ELOVL6: variants seen among roughly 807,000 people sequenced by gnomAD.
ELOVL6 encodes the protein very long chain fatty acid elongase 6.
ELOVL6 carries 8 observed loss-of-function variants against 31.7 expected under a neutral mutation model. That is an observed-to-expected ratio of 0.25 (90% confidence interval 0.15 to 0.45). ELOVL6 has a LOEUF of 0.45. Ranked by LOEUF, ELOVL6 falls within the 20% of genes least tolerant of loss-of-function variation. The pLI is 1.00. For missense variants in ELOVL6, 126 were observed against 326.4 expected, an observed-to-expected ratio of 0.39 and a Z score of 4.73; for synonymous variants, 101 against 117.7, an observed-to-expected ratio of 0.86 and a Z score of 0.92.
chr4:110,197,330 T>C (rs570074230), intron 1 of ELOVL6, among the ~76,000 whole-genome samples: 1 of 152,324 alleles, frequency 6.6e-6, no homozygotes, highest in East Asian at 1.9e-4. Context: ...AAGGTGACAC[T>C]GGATCGCCTC....
At chr4:110,095,468 C>T (rs1026877323) in intron 2 of ELOVL6, among the ~76,000 whole-genome samples, 1 of 125,250 alleles carries the variant, frequency 8.0e-6, no homozygotes, top group Non-Finnish European at 1.6e-5. Flanking sequence ...GGTGAAAGGG[C>T]GAAACTGTCT....
intron 2 of ELOVL6, among the ~76,000 whole-genome samples, chr4:110,067,808 A>T (rs1384996335): frequency 1.3e-5 from 2 of 152,232 alleles, no homozygotes; most frequent in Admixed American, 1.3e-4. Flanking sequence ...GAATTTCATT[A>T]ATCAACATAC....
At chr4:110,072,638 G>A (rs957252583) in intron 2 of ELOVL6, among the ~76,000 whole-genome samples, 9 of 152,042 alleles carry the variant, frequency 5.9e-5, no homozygotes, top group African/African-American at 1.9e-4. Flanking sequence ...CTATGTTGCC[G>A]AGTTCATCTG....
At chr4:110,084,553 C>CAGATATATATTTAT (rs1560815725) in intron 2 of ELOVL6, among the ~76,000 whole-genome samples, 4 of 57,942 alleles carry the variant, frequency 6.9e-5, no homozygotes, top group East Asian at 7.3e-4. Flanking sequence ...CACACACACA[C>CAGATATATATTTAT]ACACACACAG....
At chr4:110,191,283 G>C (rs1288416766) in intron 1 of ELOVL6, among the ~76,000 whole-genome samples, 1 of 152,140 alleles carries the variant, frequency 6.6e-6, no homozygotes, top group African/African-American at 2.4e-5. Context: ...CTGGATAAAG[G>C]AATGAAGTTA....
chr4:110,095,847 A>G (rs1756566305), intron 2 of ELOVL6, among the ~76,000 whole-genome samples: 1 of 152,204 alleles, frequency 6.6e-6, no homozygotes, highest in African/African-American at 2.4e-5. Context: ...CTGAGAATTG[A>G]TACAACTTGG....
At chr4:110,060,753 G>T (rs1755114463) in intron 2 of ELOVL6, among the ~76,000 whole-genome samples, 1 of 152,148 alleles carries the variant, frequency 6.6e-6, no homozygotes, top group Non-Finnish European at 1.5e-5. Flanking sequence ...AGATGGACCT[G>T]CCTAGCCTTT....
chr4:110,045,857 A>G lies in ELOVL6; in HGVS notation c.*5481T>C, dbSNP rs545729994. ...AAACAGAAACACAGTTTGATTTTAAATCAAAAGTTATGATTTTATTTTTAA... is the reference window on the plus strand; with the variant it reads ...AAACAGAAACACAGTTTGATTTTAAGTCAAAAGTTATGATTTTATTTTTAA... On this transcript the variant is annotated 3_prime_UTR_variant, in exon 4 of 4. Coordinates refer to ENST00000302274, the MANE Select transcript of ELOVL6 (RefSeq NM_024090.3). The G allele has an allele frequency of 2.0e-5, 3 of 152,354 alleles. No individual in the cohort carries two copies. The South Asian group carries it at 6.2e-4, about 32-fold the overall frequency. The allele number at this position is 152,354 out of a possible 1,614,324, so 9.4% of individuals were successfully genotyped here.
intron 2 of ELOVL6, among the ~76,000 whole-genome samples, chr4:110,090,265 G>A (rs1756380752): frequency 1.3e-5 from 2 of 152,114 alleles, no homozygotes; most frequent in South Asian, 4.1e-4. Context: ...GTATGGAGAA[G>A]GGTGACTTTT....
Position 110,189,048 on chromosome 4 carries a change from TG to T in ELOVL6, c.89+9198del, listed in dbSNP as rs763286563. Among the ~76,000 whole-genome samples, 6 of 151,994 alleles carry T rather than the reference TG, an allele frequency of 3.9e-5. No individual in the cohort carries two copies. In the East Asian group the frequency reaches 7.7e-4, roughly 20 times the overall value. On this transcript the variant is annotated intron_variant, in intron 1 of 3. Transcript: ENST00000302274. ...ATCCTAGCACTTTGGGAAGCTGAGA[TG>T]GGAGGATCACTTGAGGCCAACAGTT...
At chr4:110,167,471 A>C (rs1239357327) in intron 1 of ELOVL6, among the ~76,000 whole-genome samples, 1 of 152,136 alleles carries the variant, frequency 6.6e-6, no homozygotes, top group East Asian at 1.9e-4. Flanking sequence ...TAATGGTTAC[A>C]TAAGAGTTAC....
At chr4:110,077,210 A>G (rs987642459) in intron 2 of ELOVL6, among the ~76,000 whole-genome samples, 2 of 152,182 alleles carry the variant, frequency 1.3e-5, no homozygotes, top group Non-Finnish European at 2.9e-5. Flanking sequence ...GCAGACTTAA[A>G]TGTCCCTGTC....
At chr4:110,054,967 T>C (rs539369871) in intron 3 of ELOVL6, among the ~76,000 whole-genome samples, 2 of 152,260 alleles carry the variant, frequency 1.3e-5, no homozygotes, top group Admixed American at 6.5e-5. Flanking sequence ...ATGAAATTGA[T>C]CATCTCCCAG....
chr4:110,152,628 G>A (rs1354515409), intron 1 of ELOVL6, among the ~76,000 whole-genome samples: 1 of 152,180 alleles, frequency 6.6e-6, no homozygotes, highest in South Asian at 2.1e-4. Flanking sequence ...TGCACATTCT[G>A]ATTCAGTGGG....
At chr4:110,083,995 A>ATG (rs1283831853) in intron 2 of ELOVL6, among the ~76,000 whole-genome samples, 1 of 114,076 alleles carries the variant, frequency 8.8e-6, no homozygotes. Flanking sequence ...TACGATATAT[A>ATG]ACATATGCCA....
chr4:110,142,334 C>A (rs754405718), intron 1 of ELOVL6, among the ~76,000 whole-genome samples: 3 of 152,134 alleles, frequency 2.0e-5, no homozygotes, highest in Non-Finnish European at 2.9e-5. Flanking sequence ...CATAAGCCAC[C>A]GCACCCGGCC....
chr4:110,172,652 C>T (rs748710387), intron 1 of ELOVL6, among the ~76,000 whole-genome samples: 18 of 152,116 alleles, frequency 1.2e-4, no homozygotes, highest in Admixed American at 5.9e-4. Context: ...TAAGTGAATA[C>T]CCTTCTTCTT....
chr4:110,148,486 G>A (rs946565483), intron 1 of ELOVL6, among the ~76,000 whole-genome samples: 1 of 148,664 alleles, frequency 6.7e-6, no homozygotes, highest in African/African-American at 2.5e-5. Context: ...CCAGAAGGGG[G>A]TTGTGCGGGG....
chr4:110,174,724 G>A (rs905653829), intron 1 of ELOVL6, among the ~76,000 whole-genome samples: 2 of 152,002 alleles, frequency 1.3e-5, no homozygotes, highest in African/African-American at 4.8e-5. Context: ...TACAACTATA[G>A]AATACATGTA....
Sources: allele counts gnomAD v4.1 joint callset (sites outside exome capture counted in the v4.1 genomes callset), GRCh38; gene constraint gnomAD v4.1.1; transcripts MANE v1.5; gene names NCBI Gene and HGNC (gene_info 2026-07-23, HGNC 2026-07-21).